B3GALT1: variants seen among roughly 807,000 people sequenced by gnomAD.
The protein encoded by B3GALT1 is beta-1,3-galactosyltransferase 1, also known as UDP-Gal:betaGlcNAc beta 1,3-galactosyltransferase, polypeptide 1.
In B3GALT1, 10 loss-of-function variants were observed where a neutral mutation model predicts 23.2. The observed-to-expected ratio is 0.43, with a 90% CI of 0.27 to 0.73. The LOEUF (loss-of-function observed/expected upper bound fraction) is 0.73, where lower values mean the gene tolerates loss of function less well. Among genes scored for constraint, B3GALT1 ranks in the 30% least tolerant of loss-of-function variants. B3GALT1 has a pLI of 0.21. For missense variants in B3GALT1, 299 were observed against 405.4 expected (o/e 0.74, Z 2.25); for synonymous variants, 156 against 141.5 (o/e 1.10, Z -0.73).
At chr2:167,397,348 A>G (rs1171525589) in intron 1 of B3GALT1, among the ~76,000 whole-genome samples, 1 of 151,970 alleles carries the variant, frequency 6.6e-6, no homozygotes, top group Non-Finnish European at 1.5e-5. Context: ...CTTTGAATCC[A>G]AAATGCTGAG....
intron 1 of B3GALT1, among the ~76,000 whole-genome samples, chr2:167,400,571 C>T (rs1053000698): frequency 6.6e-6 from 1 of 152,020 alleles, no homozygotes; most frequent in Admixed American, 6.6e-5. Context: ...TATACCATGC[C>T]TAGACCCTGA....
chr2:167,802,575 C>T (rs182031343), intron 3 of B3GALT1, among the ~76,000 whole-genome samples: 183 of 152,308 alleles, frequency 1.2e-3, no homozygotes, highest in African/African-American at 4.3e-3. Context: ...AAATGTTTTA[C>T]TTTGGGGCTA....
chr2:167,419,022 G>A (rs993316382), intron 1 of B3GALT1, among the ~76,000 whole-genome samples: 9 of 152,138 alleles, frequency 5.9e-5, no homozygotes, highest in African/African-American at 2.2e-4. Context: ...ATGGCTCTGT[G>A]TGTAAAATGA....
intron 1 of B3GALT1, among the ~76,000 whole-genome samples, chr2:167,453,620 G>A (rs1371812761): frequency 6.6e-6 from 1 of 152,164 alleles, no homozygotes; most frequent in East Asian, 1.9e-4. Flanking sequence ...GGGAAATTAT[G>A]TTTACAAAGG....
In B3GALT1 at chr2:167,714,427, T is replaced by A. The variant is rs181193034; in HGVS notation, c.-352+67461T>A. 5.5e-5 allele frequency: 86 copies of A among 1,569,654 alleles called. No homozygotes were observed. In the Admixed American group the frequency reaches 1.4e-3, roughly 26 times the overall value. On this transcript the variant is annotated intron_variant, in intron 3 of 4. Transcript: ENST00000392690. ...CTCCCCCTGGAAGCACAGGTGAGAG[T>A]CTGAGTGGATCCTCCAACAAAGTTT...
intron 4 of B3GALT1, among the ~76,000 whole-genome samples, chr2:167,833,937 G>A (rs1689402598): frequency 6.6e-6 from 1 of 152,090 alleles, no homozygotes; most frequent in South Asian, 2.1e-4. Context: ...TTCCAACGCT[G>A]AAATTTGAGG....
intron 1 of B3GALT1, among the ~76,000 whole-genome samples, chr2:167,310,427 A>G (rs1387709880): frequency 6.6e-6 from 1 of 152,078 alleles, no homozygotes; most frequent in East Asian, 1.9e-4. Flanking sequence ...TTGAAGGGGT[A>G]GTTAAGAAAG....
chr2:167,471,660 TA>T (rs969711855), intron 1 of B3GALT1, among the ~76,000 whole-genome samples: 8 of 152,112 alleles, frequency 5.3e-5, no homozygotes, highest in African/African-American at 9.6e-5. Flanking sequence ...TTCAACAGTA[TA>T]AAAAAAATGA....
At chr2:167,804,179 G>A (rs574205544) in intron 3 of B3GALT1, among the ~76,000 whole-genome samples, 9 of 152,102 alleles carry the variant, frequency 5.9e-5, no homozygotes, top group African/African-American at 1.2e-4. Flanking sequence ...TAGTAGAGAC[G>A]AGATTTCACC....
At chr2:167,652,787 G>C (rs73015487) in intron 3 of B3GALT1, among the ~76,000 whole-genome samples, 3,169 of 152,202 alleles carry the variant, frequency 0.021, 142 homozygotes, top group African/African-American at 0.072. Flanking sequence ...GACTGTGGTA[G>C]TTTTTGCACA....
chr2:167,412,261 TATATC>T (rs1228648253), intron 1 of B3GALT1, among the ~76,000 whole-genome samples: 1 of 152,180 alleles, frequency 6.6e-6, no homozygotes, highest in Non-Finnish European at 1.5e-5. Context: ...TAAATCGAGT[TATATC>T]ATAATAACAA....
chr2:167,659,928 A>T (rs1686026451), intron 3 of B3GALT1, among the ~76,000 whole-genome samples: 1 of 151,948 alleles, frequency 6.6e-6, no homozygotes, highest in South Asian at 2.1e-4. Context: ...CCAATTCCAG[A>T]ACTGATTCGT....
intron 2 of B3GALT1, among the ~76,000 whole-genome samples, chr2:167,502,682 G>T (rs1021154990): frequency 1.3e-5 from 2 of 152,084 alleles, no homozygotes; most frequent in African/African-American, 4.8e-5. Context: ...AACAGCAAGG[G>T]GGGGATCCAC....
chr2:167,411,020 CA>C (rs1187833824), intron 1 of B3GALT1, among the ~76,000 whole-genome samples: 2 of 150,708 alleles, frequency 1.3e-5, no homozygotes, highest in Non-Finnish European at 3.0e-5. Context: ...GATACCCATA[CA>C]AAATAAAGTT....
intron 4 of B3GALT1, among the ~76,000 whole-genome samples, chr2:167,839,525 A>G (rs1471759327): frequency 6.6e-6 from 1 of 152,266 alleles, no homozygotes; most frequent in East Asian, 1.9e-4. Context: ...AATGAAATAA[A>G]GGAGGATACA....
intron 3 of B3GALT1, among the ~76,000 whole-genome samples, chr2:167,649,127 C>A (rs1685810501): frequency 6.6e-6 from 1 of 152,116 alleles, no homozygotes; most frequent in African/African-American, 2.4e-5. Context: ...ACCACCCCTA[C>A]TTTATCCACA....
intron 1 of B3GALT1, among the ~76,000 whole-genome samples, chr2:167,488,822 G>T (rs2056793): frequency 6.2e-4 from 94 of 152,098 alleles, no homozygotes; most frequent in Non-Finnish European, 1.0e-3. Context: ...TCATATAAAT[G>T]TAACTATATA....
chr2:167,475,026 A>T (rs1314170422), intron 1 of B3GALT1, among the ~76,000 whole-genome samples: 1 of 152,190 alleles, frequency 6.6e-6, no homozygotes, highest in Non-Finnish European at 1.5e-5. Context: ...TTATTAGTTC[A>T]CTAGGGCTGT....
chr2:167,750,835 C>A (rs1482569005), intron 3 of B3GALT1, among the ~76,000 whole-genome samples: 3 of 151,860 alleles, frequency 2.0e-5, no homozygotes, highest in African/African-American at 7.3e-5. Context: ...AGTCTTCCTG[C>A]CCATCTGTTC....
Sources: allele counts gnomAD v4.1 joint callset (sites outside exome capture counted in the v4.1 genomes callset), GRCh38; gene constraint gnomAD v4.1.1; transcripts MANE v1.5; gene names NCBI Gene and HGNC (gene_info 2026-07-23, HGNC 2026-07-21).